The following TAFA2 variants were observed in gnomAD, a reference collection of about 807,000 sequenced individuals.
TAFA2 encodes TAFA chemokine like family member 2.
TAFA2 carries 7 observed loss-of-function variants against 18.8 expected under a neutral mutation model. That is an observed-to-expected ratio of 0.37 (90% CI 0.21 to 0.70). TAFA2 has a LOEUF of 0.70. Among genes scored for constraint, TAFA2 ranks in the 30% least tolerant of loss-of-function variants. The pLI is 0.53. For synonymous variants in TAFA2, 60 were observed against 54.2 expected, an observed-to-expected ratio of 1.11 and a Z score of -0.47; for missense variants, 122 against 158.1, an observed-to-expected ratio of 0.77 and a Z score of 1.23.
chr12:61,914,079 G>C (rs777802450), intron 1 of TAFA2, among the ~76,000 whole-genome samples: 1 of 152,144 alleles, frequency 6.6e-6, no homozygotes, highest in Non-Finnish European at 1.5e-5. Flanking sequence ...CTTTGCTGGA[G>C]TTAAACTAGA....
chr12:62,042,775 C>T (rs562007791), intron 1 of TAFA2, among the ~76,000 whole-genome samples: 3 of 151,992 alleles, frequency 2.0e-5, no homozygotes, highest in Non-Finnish European at 4.4e-5. Flanking sequence ...TGCCTCATTC[C>T]AGCGGGGTCG....
At chr12:62,125,670 G>T (rs1358222863) in intron 1 of TAFA2, among the ~76,000 whole-genome samples, 1 of 148,660 alleles carries the variant, frequency 6.7e-6, no homozygotes, top group East Asian at 1.9e-4. Context: ...AACTCCCGCA[G>T]ATATTTTTTT....
At chr12:62,020,517 T>A (rs1291869989) in intron 1 of TAFA2, among the ~76,000 whole-genome samples, 1 of 152,188 alleles carries the variant, frequency 6.6e-6, no homozygotes, top group East Asian at 1.9e-4. Flanking sequence ...TTTCAGAGAA[T>A]GTCAATTAGT....
At chr12:61,759,952 T>G (rs1187533912) in intron 2 of TAFA2, among the ~76,000 whole-genome samples, 1 of 151,090 alleles carries the variant, frequency 6.6e-6, no homozygotes, top group African/African-American at 2.4e-5. Flanking sequence ...CAATGGAGAG[T>G]AGGGAAAGAG....
intron 2 of TAFA2, among the ~76,000 whole-genome samples, chr12:61,807,426 G>T (rs1475713813): frequency 6.6e-6 from 1 of 151,388 alleles, no homozygotes; most frequent in Non-Finnish European, 1.5e-5. Flanking sequence ...GAGGTTTACT[G>T]CTGGGCTGGG....
chr12:61,861,049 C>T lies in TAFA2; in HGVS notation c.106+6271G>A, dbSNP rs915731565. On this transcript the variant is annotated intron_variant, in intron 2 of 4. Transcript: ENST00000416284. ...CACTGCAACCTCTGCCTCCTGGGTT[C>T]AAGCCATTCTTCCACCTCAACCTCT... Among the ~76,000 whole-genome samples, 16 of 152,178 alleles carry T rather than the reference C, an allele frequency of 1.1e-4. 1 individual carries two copies. Among genetic ancestry groups the T allele is most frequent in the East Asian group, 7.8e-4 (4 of 5,154 alleles).
chr12:61,916,899 T>G (rs1876842834), intron 1 of TAFA2, among the ~76,000 whole-genome samples: 1 of 152,242 alleles, frequency 6.6e-6, no homozygotes, highest in African/African-American at 2.4e-5. Context: ...ATCCAAATTA[T>G]GTACAGATAC....
At chr12:61,913,549 T>C (rs1368953107) in intron 1 of TAFA2, among the ~76,000 whole-genome samples, 2 of 152,206 alleles carry the variant, frequency 1.3e-5, no homozygotes, top group Non-Finnish European at 2.9e-5. Context: ...CTATGGGTCA[T>C]GTTCCTCTCT....
chr12:61,782,289 C>T lies in TAFA2; in HGVS notation c.107-27265G>A, dbSNP rs1870539311. ...GATAAAGACTATGTTTGATAAGAAA[C>T]ATTTACAATCTATTCTCTCTGAAGC... On this transcript the variant is annotated intron_variant, in intron 2 of 4. Coordinates refer to ENST00000416284, the MANE Select transcript of TAFA2 (RefSeq NM_178539.5). Among the ~76,000 whole-genome samples the T allele has an allele frequency of 3.3e-5, 5 of 151,786 alleles. No homozygotes were observed. The South Asian group carries it at 8.3e-4, about 25-fold the overall frequency.
chr12:62,060,221 C>A (rs1189986077), intron 1 of TAFA2, among the ~76,000 whole-genome samples: 2 of 152,244 alleles, frequency 1.3e-5, no homozygotes, highest in Non-Finnish European at 2.9e-5. Context: ...CAAGCTTCTA[C>A]AGGCAGACAG....
At chr12:62,201,847 C>A (rs1456223984) in intron 1 of TAFA2, among the ~76,000 whole-genome samples, 2 of 152,182 alleles carry the variant, frequency 1.3e-5, no homozygotes, top group African/African-American at 4.8e-5. Context: ...TGGTAGAATT[C>A]AGCTGCAAAT....
chr12:61,997,214 T>G (rs1019186506), intron 1 of TAFA2, among the ~76,000 whole-genome samples: 3 of 149,666 alleles, frequency 2.0e-5, no homozygotes, highest in African/African-American at 7.5e-5. Context: ...TATAACCCAT[T>G]AAGTGGTCGT....
chr12:61,994,272 C>T (rs924295201), intron 1 of TAFA2, among the ~76,000 whole-genome samples: 4 of 152,110 alleles, frequency 2.6e-5, no homozygotes, highest in African/African-American at 4.8e-5. Context: ...ACAAACCCAT[C>T]TATCTGTTCA....
At chr12:61,945,845 T>A (rs1438801839) in intron 1 of TAFA2, among the ~76,000 whole-genome samples, 1 of 149,684 alleles carries the variant, frequency 6.7e-6, no homozygotes, top group Non-Finnish European at 1.5e-5. Context: ...TGCTCATGGG[T>A]AGGAAGAATC....
chr12:62,259,571 A>G (rs1188949222), upstream of TAFA2: 2 of 152,234 alleles, frequency 1.3e-5, no homozygotes, highest in African/African-American at 4.8e-5. Flanking sequence ...TTAAAGACAT[A>G]TCTAGTTTCA....
At chr12:62,166,238 T>C (rs1362573603) in intron 1 of TAFA2, among the ~76,000 whole-genome samples, 2 of 152,174 alleles carry the variant, frequency 1.3e-5, no homozygotes, top group African/African-American at 4.8e-5. Context: ...ACCTATAAGA[T>C]TGGCATAAAT....
intron 1 of TAFA2, among the ~76,000 whole-genome samples, chr12:61,995,968 T>A (rs190660164): frequency 1.1e-4 from 17 of 151,966 alleles, no homozygotes; most frequent in African/African-American, 3.9e-4. Flanking sequence ...GTCCCAATAA[T>A]TCTGTCCCCC....
chr12:61,798,563 T>C (rs1458681023), intron 2 of TAFA2, among the ~76,000 whole-genome samples: 1 of 152,126 alleles, frequency 6.6e-6, no homozygotes, highest in Admixed American at 6.5e-5. Context: ...CATTTCCCTC[T>C]TCCTCCAGTC....
intron 4 of TAFA2, among the ~76,000 whole-genome samples, chr12:61,730,419 G>A (rs1166197222): frequency 6.6e-6 from 1 of 152,040 alleles, no homozygotes; most frequent in Non-Finnish European, 1.5e-5. Flanking sequence ...CTTGCCCTCA[G>A]GTCTCCTGAA....
Sources: allele counts gnomAD v4.1 joint callset (sites outside exome capture counted in the v4.1 genomes callset), GRCh38; gene constraint gnomAD v4.1.1; transcripts MANE v1.5; gene names NCBI Gene and HGNC (gene_info 2026-07-23, HGNC 2026-07-21).